Variants in FAM107B observed in about 807,000 individuals in gnomAD.
FAM107B encodes the protein family with sequence similarity 107 member B.
FAM107B carries 21 observed loss-of-function variants against 31.5 expected under a neutral mutation model. The observed-to-expected ratio is 0.67, with a 90% CI of 0.47 to 0.96. The LOEUF is 0.96. Among genes scored for constraint, FAM107B ranks in the 40% least tolerant of loss-of-function variants. FAM107B has a pLI of 0.00. For missense variants in FAM107B, 452 were observed against 377.1 expected, an observed-to-expected ratio of 1.20 and a Z score of -1.64; for synonymous variants, 157 against 141.5, an observed-to-expected ratio of 1.11 and a Z score of -0.78.
intron 1 of FAM107B, among the ~76,000 whole-genome samples, chr10:14,690,732 G>A (rs186931307): frequency 9.9e-5 from 15 of 150,908 alleles, no homozygotes; most frequent in African/African-American, 3.4e-4. Flanking sequence ...GATTACAGGC[G>A]TGAGCCACCA....
chr10:14,770,576 G>T (rs894142341), intron 1 of FAM107B, among the ~76,000 whole-genome samples: 1 of 152,016 alleles, frequency 6.6e-6, no homozygotes, highest in Non-Finnish European at 1.5e-5. Flanking sequence ...GCTGAATTTC[G>T]TTGAGTCTAC....
chr10:14,642,853 T>G (rs1216299057), intron 2 of FAM107B, among the ~76,000 whole-genome samples: 1 of 152,210 alleles, frequency 6.6e-6, no homozygotes, highest in African/African-American at 2.4e-5. Context: ...ACAGAAGTTC[T>G]TTGTTAGTTT....
chr10:14,573,407 G>C (rs531705142), intron 2 of FAM107B, among the ~76,000 whole-genome samples: 37 of 152,014 alleles, frequency 2.4e-4, no homozygotes, highest in African/African-American at 8.9e-4. Flanking sequence ...CTCGACCTTG[G>C]ACTTCCCAGT....
At chr10:14,725,290 G>C (rs1856004777) in intron 1 of FAM107B, among the ~76,000 whole-genome samples, 1 of 152,132 alleles carries the variant, frequency 6.6e-6, no homozygotes, top group Non-Finnish European at 1.5e-5. Flanking sequence ...ATAGAGAATG[G>C]GTGGGAGAAG....
chr10:14,646,514 T>C (rs769860256), intron 2 of FAM107B, among the ~76,000 whole-genome samples: 4 of 152,236 alleles, frequency 2.6e-5, no homozygotes, highest in Non-Finnish European at 5.9e-5. Context: ...TATTCTTTTT[T>C]ATAGCTGAGG....
At chr10:14,530,067 T>C (rs1184240237) in intron 3 of FAM107B, 1 of 346,976 alleles carries the variant, frequency 2.9e-6, no homozygotes, top group African/African-American at 2.1e-5. Context: ...TCCATCCGAA[T>C]TTGGAAATAC....
chr10:14,703,530 T>C (rs557211117), intron 1 of FAM107B, among the ~76,000 whole-genome samples: 101 of 152,224 alleles, frequency 6.6e-4, no homozygotes, highest in African/African-American at 2.1e-3. Context: ...AGACAGGGTT[T>C]CACCATGTTG....
intron 1 of FAM107B, among the ~76,000 whole-genome samples, chr10:14,725,611 GAGAC>G (rs1564274653): frequency 1.1e-5 from 1 of 87,904 alleles, no homozygotes; most frequent in Non-Finnish European, 2.2e-5. Context: ...AAGAGAAAGA[GAGAC>G]AGACAGAGAG....
In FAM107B at chr10:14,550,002, C is replaced by T. The variant is rs117942689; in HGVS notation, c.470-19487G>A. Reference sequence around the variant, plus strand: ...TAGAGCATAACAACCGTTTTTCTTACGGGAATGGAAAGGAGGCTGTTTTAG... The same window carrying T: ...TAGAGCATAACAACCGTTTTTCTTATGGGAATGGAAAGGAGGCTGTTTTAG... On this transcript the variant is annotated intron_variant, in intron 2 of 4. Transcript: ENST00000181796. Among the ~76,000 whole-genome samples the T allele has an allele frequency of 3.2e-3, 486 of 152,178 alleles. 5 individuals are homozygous for T. The highest frequency in any genetic ancestry group is 3.9e-3 in the Non-Finnish European group (264 of 68,008).
At chr10:14,729,146 T>C (rs1473893533) in intron 1 of FAM107B, among the ~76,000 whole-genome samples, 1 of 152,104 alleles carries the variant, frequency 6.6e-6, no homozygotes, top group Admixed American at 6.6e-5. Flanking sequence ...ATGTGCATTG[T>C]CATACCTGGC....
At chr10:14,714,567 T>A (rs1855739027) in intron 1 of FAM107B, among the ~76,000 whole-genome samples, 1 of 152,168 alleles carries the variant, frequency 6.6e-6, no homozygotes, top group African/African-American at 2.4e-5. Flanking sequence ...GCACCCTTCA[T>A]TAGCAGGCAA....
chr10:14,617,559 AGAAGTG>A (rs1212318590), intron 2 of FAM107B, among the ~76,000 whole-genome samples: 1 of 152,202 alleles, frequency 6.6e-6, no homozygotes, highest in Non-Finnish European at 1.5e-5. Flanking sequence ...ATGGCTGCTT[AGAAGTG>A]ATGAAACACG....
chr10:14,726,922 T>C (rs1241967451), intron 1 of FAM107B, among the ~76,000 whole-genome samples: 1 of 152,096 alleles, frequency 6.6e-6, no homozygotes, highest in Non-Finnish European at 1.5e-5. Flanking sequence ...GAAATAAGTA[T>C]GCAACTCAAC....
At chr10:14,552,285 G>A (rs1281748641) in intron 2 of FAM107B, among the ~76,000 whole-genome samples, 2 of 152,060 alleles carry the variant, frequency 1.3e-5, no homozygotes, top group Admixed American at 1.3e-4. Flanking sequence ...AATGGGTCAC[G>A]GTGAATCCAC....
rs80055377 is a variant in FAM107B at position 14,679,032 on chromosome 10, G to A, written c.412-11341C>T. 2.5e-3 allele frequency among the ~76,000 whole-genome samples: 388 copies of A among 152,366 alleles called. 2 individuals are homozygous for A. Among genetic ancestry groups the A allele is most frequent in the African/African-American group, 8.9e-3 (370 of 41,586 alleles). ...ATCCCACAGGGGTGCTGGAAAGGATGTGGGCCTTGGAGTTAGAGAGACTGA... is the reference window on the plus strand; with the variant it reads ...ATCCCACAGGGGTGCTGGAAAGGATATGGGCCTTGGAGTTAGAGAGACTGA... On this transcript the variant is annotated intron_variant, in intron 1 of 4. Transcript: ENST00000181796.
At chr10:14,695,502 A>T (rs12264406) in intron 1 of FAM107B, among the ~76,000 whole-genome samples, 2,369 of 152,128 alleles carry the variant, frequency 0.016, 70 homozygotes, top group African/African-American at 0.055. Flanking sequence ...GAATTTTAGA[A>T]TTTTTTTCCT....
At chr10:14,761,034 A>AAAAAAAAAC (rs1554757192) in intron 1 of FAM107B, among the ~76,000 whole-genome samples, 18 of 146,626 alleles carry the variant, frequency 1.2e-4, no homozygotes, top group Admixed American at 2.8e-4. Context: ...AAAAAAAAAA[A>AAAAAAAAAC]AAGAAAGACA....
chr10:14,578,207 A>G (rs901517366), intron 2 of FAM107B, among the ~76,000 whole-genome samples: 6 of 152,120 alleles, frequency 3.9e-5, no homozygotes, highest in Admixed American at 2.0e-4. Context: ...CAGCCTCCCT[A>G]ATGACAGGAA....
chr10:14,650,012 C>T (rs1853859389), intron 2 of FAM107B, among the ~76,000 whole-genome samples: 1 of 152,138 alleles, frequency 6.6e-6, no homozygotes, highest in Non-Finnish European at 1.5e-5. Flanking sequence ...TGGGTCAACA[C>T]CTGGTCCGAG....
Sources: gnomAD v4.1 joint callset for allele counts (sites outside exome capture counted in the v4.1 genomes callset) on GRCh38, gnomAD v4.1.1 for gene constraint, MANE v1.5 for transcripts, NCBI Gene and HGNC (gene_info 2026-07-23, HGNC 2026-07-21) for gene names.